Variants in SLC22A23 observed in about 807,000 individuals in gnomAD.
SLC22A23 encodes solute carrier family 22 member 23.
Under a neutral mutation model 61.0 loss-of-function variants are expected in SLC22A23, and 26 were observed. The observed-to-expected ratio is 0.43, with a 90% CI of 0.31 to 0.59. The LOEUF (loss-of-function observed/expected upper bound fraction) is 0.59. Among genes scored for constraint, SLC22A23 ranks in the 20% least tolerant of loss-of-function variants. The probability of loss-of-function intolerance (pLI) is 0.11; values close to 1 mark genes in which losing one functional copy is unlikely to be tolerated. For missense variants in SLC22A23, 796 were observed against 934.7 expected (o/e 0.85, Z 1.94); for synonymous variants, 430 against 413.9 (o/e 1.04, Z -0.47).
At chr6:3,284,570 C>G (rs1759789767) in intron 8 of SLC22A23, among the ~76,000 whole-genome samples, 1 of 152,208 alleles carries the variant, frequency 6.6e-6, no homozygotes, top group Admixed American at 6.5e-5. Flanking sequence ...AGGGCAAGCA[C>G]TCTCCAGGGA....
chr6:3,439,163 G>A (rs1771419881), intron 1 of SLC22A23: 4 of 338,036 alleles, frequency 1.2e-5, no homozygotes, highest in African/African-American at 4.3e-5. Context: ...GTGCCCTGTA[G>A]GATGTTTAGC....
At chr6:3,412,209 A>AT (rs760661461) in intron 2 of SLC22A23, among the ~76,000 whole-genome samples, 1 of 152,182 alleles carries the variant, frequency 6.6e-6, no homozygotes, top group African/African-American at 2.4e-5. Context: ...AAGATGTTCG[A>AT]TTTTTTTAAG....
In SLC22A23 at chr6:3,283,068, A is replaced by G. The variant is rs77504732; in HGVS notation, c.1703+784T>C. Among the ~76,000 whole-genome samples the G allele has an allele frequency of 5.4e-3, 817 of 152,278 alleles. 4 individuals carry two copies. Among genetic ancestry groups the G allele is most frequent in the Non-Finnish European group, 9.1e-3 (622 of 68,022 alleles). On this transcript the variant is annotated intron_variant, in intron 9 of 9. Transcript: ENST00000406686. ...TGGGCTCTCCATCCATGTTTCTTAC[A>G]TGAGTCAGTAATCTCACTCGCTGTG...
chr6:3,441,287 T>TGGATCTCTCCC (rs1771578020), intron 1 of SLC22A23, among the ~76,000 whole-genome samples: 2 of 152,288 alleles, frequency 1.3e-5, no homozygotes, highest in African/African-American at 4.8e-5. Context: ...CCTTCTCTCC[T>TGGATCTCTCCC]GGATCTCTCC....
At chr6:3,319,089 A>C (rs1322752570) in intron 4 of SLC22A23, among the ~76,000 whole-genome samples, 1 of 152,150 alleles carries the variant, frequency 6.6e-6, no homozygotes, top group African/African-American at 2.4e-5. Context: ...ATGGGTCCTC[A>C]CAGAGCACAA....
intron 4 of SLC22A23, among the ~76,000 whole-genome samples, chr6:3,321,108 GTCCAGGC>G (rs147358553): frequency 0.27 from 41,182 of 151,958 alleles, 6,937 homozygotes; most frequent in Non-Finnish European, 0.38. Flanking sequence ...AGTGGCAGAG[GTCCAGGC>G]TCTGTGTCCG....
intron 1 of SLC22A23, among the ~76,000 whole-genome samples, chr6:3,426,346 A>T (rs1770488888): frequency 6.6e-6 from 1 of 152,226 alleles, no homozygotes; most frequent in African/African-American, 2.4e-5. Flanking sequence ...ATTTTCAGAC[A>T]GGGTGACCTG....
At position 3,322,904 on chromosome 6, in the gene SLC22A23, TGA is replaced by T. The variant is rs556682625; in HGVS notation, c.1082+928_1082+929del. Among the ~76,000 whole-genome samples, 438 of 152,130 alleles carry T rather than the reference TGA, an allele frequency of 2.9e-3. No individual in the cohort carries two copies. Among genetic ancestry groups the T allele is most frequent in the African/African-American group, 9.6e-3 (400 of 41,488 alleles). ...ATCCATGATCTACTTATGGGTAAGG[TGA>T]GAGTATCAGCATGGAGAGGGATGGG... is the stretch of plus-strand genomic sequence containing the variant. On this transcript the variant is annotated intron_variant, in intron 4 of 9. Transcript: ENST00000406686. This position sits in a 1 kb window ranked among gnomAD's most constrained non-coding sequence, Gnocchi z 4.1.
rs1464261651 is a variant in SLC22A23, at chr6:3,456,151, G to A, written c.409C>T (p.Leu137=). The part of the protein sequence containing the change: ...WCRGAGKGTE[L]AGVTTTGRGG... ...CGGCCTGTGGTGGTGACCCCTGCCA[G>A]CTCGGTGCCTTTGCCGGCCCCGCGG... Residue 137 remains leucine, a synonymous_variant, in exon 1 of 10, where the codon CTG becomes TTG. Coordinates refer to ENST00000406686, the MANE Select transcript of SLC22A23 (RefSeq NM_015482.2). This position sits in a 1 kb window ranked among gnomAD's most constrained non-coding sequence, Gnocchi z 7.1. 1.9e-6 allele frequency: 3 copies of A among 1,551,138 alleles called. No homozygotes were observed. Among genetic ancestry groups the A allele is most frequent in the East Asian group, 4.9e-5 (2 of 41,000 alleles).
intron 1 of SLC22A23, chr6:3,438,452 T>C (rs1398376369): frequency 2.2e-6 from 1 of 453,558 alleles, no homozygotes; most frequent in Non-Finnish European, 4.4e-6. Context: ...ACCAGCCTGA[T>C]CTATTACTCA....
intron 1 of SLC22A23, among the ~76,000 whole-genome samples, chr6:3,417,297 CT>C (rs1769789755): frequency 6.6e-6 from 1 of 152,164 alleles, no homozygotes; most frequent in Non-Finnish European, 1.5e-5. Flanking sequence ...AGGAGGGTGA[CT>C]TCTTTTTCTA....
chr6:3,376,313 A>C (rs1019566759), intron 3 of SLC22A23, among the ~76,000 whole-genome samples: 15 of 152,146 alleles, frequency 9.9e-5, no homozygotes, highest in Middle Eastern at 3.4e-3. Flanking sequence ...AAGGAAACCA[A>C]CTCTATATCA....
At chr6:3,395,809 A>G (rs901216267) in intron 3 of SLC22A23, among the ~76,000 whole-genome samples, 1 of 152,242 alleles carries the variant, frequency 6.6e-6, no homozygotes, top group African/African-American at 2.4e-5. Context: ...TCTTTCTCCT[A>G]TTCAACCCAT....
intron 4 of SLC22A23, among the ~76,000 whole-genome samples, chr6:3,299,966 A>G (rs1460836547): frequency 6.9e-6 from 1 of 143,886 alleles, no homozygotes; most frequent in African/African-American, 2.6e-5. Context: ...TATTGTAAGT[A>G]CCGAACACCT....
At chr6:3,293,156 G>A (rs947932511) in intron 5 of SLC22A23, among the ~76,000 whole-genome samples, 2 of 152,222 alleles carry the variant, frequency 1.3e-5, no homozygotes, top group African/African-American at 4.8e-5. Flanking sequence ...TGTCATCCTA[G>A]TGGACGATGC....
chr6:3,298,693 C>T (rs1761329708), intron 4 of SLC22A23, among the ~76,000 whole-genome samples: 1 of 152,068 alleles, frequency 6.6e-6, no homozygotes, highest in South Asian at 2.1e-4. Context: ...ATGTTCCCGG[C>T]CGGGCGCGGT....
rs1250468809 is a variant in SLC22A23 at position 3,328,612 on chromosome 6, T to C, written c.914-4610A>G. ...CCTCATCTGTTGAAAGACCTGAACA[T>C]AGGGCCGAGGCTTCCTTGAGGAGGA... On this transcript the variant is annotated intron_variant, in intron 3 of 9. Transcript: ENST00000406686. This position sits in a 1 kb window ranked among gnomAD's most constrained non-coding sequence, Gnocchi z 5.0. Among the ~76,000 whole-genome samples the C allele has an allele frequency of 7.2e-5, 11 of 151,960 alleles. No individual in the cohort carries two copies. The highest frequency in any genetic ancestry group is 7.2e-4 in the Admixed American group (11 of 15,266).
intron 3 of SLC22A23, among the ~76,000 whole-genome samples, chr6:3,394,774 C>T (rs976481714): frequency 6.6e-6 from 1 of 152,228 alleles, no homozygotes; most frequent in Admixed American, 6.5e-5. Flanking sequence ...TACCTTTGCA[C>T]AGCCCCCACA....
rs551665414 is a variant in SLC22A23 at position 3,314,416 on chromosome 6, C to T, written c.1082+9418G>A. On this transcript the variant is annotated intron_variant, in intron 4 of 9. Coordinates refer to ENST00000406686, the MANE Select transcript of SLC22A23 (RefSeq NM_015482.2). ...CCAGACCCCAGCCCCACTTACTAGC[C>T]ATGGGGCGTCAGCAACACCGCATCT... Among the ~76,000 whole-genome samples the T allele has an allele frequency of 6.6e-5, 10 of 152,300 alleles. No homozygotes were observed. The South Asian group carries it at 1.9e-3, about 28-fold the overall frequency.
Sources: gnomAD v4.1 joint callset for allele counts (sites outside exome capture counted in the v4.1 genomes callset) on GRCh38, gnomAD v4.1.1 for gene constraint, Gnocchi (gnomAD v3.1) non-coding constraint, MANE v1.5 for transcripts, NCBI Gene and HGNC (gene_info 2026-07-23, HGNC 2026-07-21) for gene names.